RANBP2: variants seen among roughly 807,000 people sequenced by gnomAD.
RANBP2 encodes the protein RAN binding protein 2, also known as E3 SUMO-protein ligase RanBP2.
A neutral mutation model predicts 303.6 loss-of-function variants in RANBP2; 57 were observed. The observed-to-expected ratio is 0.19, with a 90% confidence interval of 0.15 to 0.23. The LOEUF (loss-of-function observed/expected upper bound fraction) is 0.23, where lower values mean the gene tolerates loss of function less well. Among genes scored for constraint, RANBP2 ranks in the 10% least tolerant of loss-of-function variants. RANBP2 has a pLI of 1.00. For synonymous variants in RANBP2, 1,167 were observed against 1,301.5 expected, an observed-to-expected ratio of 0.90 and a Z score of 2.23; for missense variants, 3,138 against 3,780.8, an observed-to-expected ratio of 0.83 and a Z score of 4.46.
At chr2:109,343,605 C>T in the RANBP2 span, among the ~76,000 whole-genome samples, 7 of 152,134 alleles carry the variant, frequency 4.6e-5, no homozygotes, top group Admixed American at 2.0e-4. Context: ...TTGCTTGCTC[C>T]GAGAATCATG....
the RANBP2 span, among the ~76,000 whole-genome samples, chr2:108,937,198 T>G: frequency 3.9e-5 from 6 of 152,192 alleles, no homozygotes; most frequent in Non-Finnish European, 7.4e-5. Flanking sequence ...AAGCAGCCAC[T>G]CTTCTTTATC....
At chr2:109,668,286 TA>T in the RANBP2 span, among the ~76,000 whole-genome samples, 3 of 152,246 alleles carry the variant, frequency 2.0e-5, no homozygotes, top group African/African-American at 7.2e-5. Context: ...TTTTGTACTA[TA>T]AAAATATAAT....
downstream of RANBP2, chr2:108,786,681 G>C: frequency 1.4e-6 from 1 of 729,710 alleles, no homozygotes; most frequent in Non-Finnish European, 2.3e-6. Context: ...CAGTCTCCGG[G>C]TCGCCCCGCC....
At chr2:109,152,758 G>A in the RANBP2 span, among the ~76,000 whole-genome samples, 1 of 152,170 alleles carries the variant, frequency 6.6e-6, no homozygotes, top group East Asian at 1.9e-4. Flanking sequence ...GGGCGGGGGG[G>A]ACCCAGTGTC....
the RANBP2 span, among the ~76,000 whole-genome samples, chr2:109,368,712 A>G: frequency 6.7e-6 from 1 of 150,058 alleles, no homozygotes; most frequent in Non-Finnish European, 1.5e-5. Flanking sequence ...TTTCTTTAAA[A>G]AAAAAAAAAA....
At chr2:109,377,979 G>A in the RANBP2 span, among the ~76,000 whole-genome samples, 1 of 152,228 alleles carries the variant, frequency 6.6e-6, no homozygotes, top group South Asian at 2.1e-4. Flanking sequence ...TCCGCGTTCT[G>A]CACTACCTCA....
chr2:109,638,055 G>A, the RANBP2 span, among the ~76,000 whole-genome samples: 1 of 152,152 alleles, frequency 6.6e-6, no homozygotes, highest in Non-Finnish European at 1.5e-5. Flanking sequence ...TCCTTCCTGC[G>A]AGGAAATGCA....
chr2:108,719,755 C>CCGA, intron 1 of RANBP2, 77 bp downstream of exon 1: 1 of 1,543,394 alleles, frequency 6.5e-7, no homozygotes, highest in East Asian at 2.5e-5. Context: ...GTCATGGCTC[C>CCGA]CGACGGGCGC....
At chr2:109,436,640 A>C in the RANBP2 span, among the ~76,000 whole-genome samples, 1 of 152,372 alleles carries the variant, frequency 6.6e-6, no homozygotes, top group African/African-American at 2.4e-5. Context: ...GATTTCGTTC[A>C]GCTCATTCCT....
the RANBP2 span, among the ~76,000 whole-genome samples, chr2:109,491,239 A>G: frequency 6.6e-6 from 1 of 152,184 alleles, no homozygotes; most frequent in African/African-American, 2.4e-5. Flanking sequence ...GAGACTAGGC[A>G]GTGAGTGGTC....
chr2:108,926,933 C>T, the RANBP2 span, among the ~76,000 whole-genome samples: 1 of 152,198 alleles, frequency 6.6e-6, no homozygotes, highest in South Asian at 2.1e-4. Context: ...CACAGCGTGA[C>T]AGCCTCGTAA....
chr2:109,046,555 C>T, the RANBP2 span, among the ~76,000 whole-genome samples: 1 of 151,446 alleles, frequency 6.6e-6, no homozygotes, highest in Non-Finnish European at 1.5e-5. Context: ...TAGAGGTGCC[C>T]GCCACCACAC....
the RANBP2 span, among the ~76,000 whole-genome samples, chr2:109,186,035 G>A: frequency 4.5e-4 from 69 of 152,192 alleles, 3 homozygotes; most frequent in Admixed American, 4.4e-3. Context: ...TAGTCACTGG[G>A]ATCCTGTTTT....
chr2:108,813,498 A>G, the RANBP2 span, among the ~76,000 whole-genome samples: 2 of 152,170 alleles, frequency 1.3e-5, no homozygotes, highest in African/African-American at 4.8e-5. Flanking sequence ...CACATCATTA[A>G]TGGCTTTATT....
chr2:109,180,703 T>C, the RANBP2 span, among the ~76,000 whole-genome samples: 278 of 152,318 alleles, frequency 1.8e-3, no homozygotes, highest in African/African-American at 5.8e-3. Flanking sequence ...TGCTCCTCCT[T>C]TCCTTCCACC....
the RANBP2 span, among the ~76,000 whole-genome samples, chr2:108,924,752 A>G: frequency 1.3e-5 from 2 of 152,096 alleles, no homozygotes; most frequent in Non-Finnish European, 2.9e-5. Flanking sequence ...CAATCTCAAA[A>G]CACCTCCCAG....
At chr2:109,450,120 C>T in the RANBP2 span, among the ~76,000 whole-genome samples, 10 of 151,936 alleles carry the variant, frequency 6.6e-5, no homozygotes, top group Admixed American at 5.2e-4. Context: ...CTGAGGCGGG[C>T]GGATCACCTG....
chr2:109,336,138 C>G, the RANBP2 span, among the ~76,000 whole-genome samples: 4 of 152,144 alleles, frequency 2.6e-5, no homozygotes, highest in Admixed American at 2.6e-4. Flanking sequence ...TATTTAATAT[C>G]TTAAAGAAAG....
At chr2:109,737,332 T>C in the RANBP2 span, 44 of 687,778 alleles carry the variant, frequency 6.4e-5, no homozygotes, top group Admixed American at 8.4e-4. Flanking sequence ...CTTGCTCCTT[T>C]TGACGGTCAC....
Sources: allele counts gnomAD v4.1 joint callset (sites outside exome capture counted in the v4.1 genomes callset), GRCh38; gene constraint gnomAD v4.1.1; transcripts MANE v1.5; gene names NCBI Gene and HGNC (gene_info 2026-07-23, HGNC 2026-07-21).